JMJD1C: variants seen among roughly 807,000 people sequenced by gnomAD.
JMJD1C encodes jumonji domain containing 1C, also known as jumonji domain-containing protein 1C.
In JMJD1C, 31 loss-of-function variants were observed where a neutral mutation model predicts 245.3. The observed-to-expected ratio is 0.13, with a 90% CI of 0.09 to 0.17. The LOEUF (loss-of-function observed/expected upper bound fraction) is 0.17, where lower values mean the gene tolerates loss of function less well. Among genes scored for constraint, JMJD1C ranks in the 10% least tolerant of loss-of-function variants. The pLI is 1.00. For missense variants in JMJD1C, 2,691 were observed against 3,000.2 expected (o/e 0.90, Z 2.41); for synonymous variants, 1,057 against 1,017.4 (o/e 1.04, Z -0.74).
intron 3 of JMJD1C, among the ~76,000 whole-genome samples, chr10:63,263,487 GAAATAAAATAGT>G (rs753637419): frequency 3.9e-5 from 6 of 152,074 alleles, no homozygotes; most frequent in Admixed American, 3.3e-4. Context: ...TAACAAGTCT[GAAATAAAATAGT>G]ATTAACTTTT....
chr10:63,171,760 A>G (rs78987073), intron 24 of JMJD1C, among the ~76,000 whole-genome samples: 2,000 of 152,284 alleles, frequency 0.013, 29 homozygotes, highest in African/African-American at 0.034. Flanking sequence ...TGAAATTCTA[A>G]CATATGCTGA....
chr10:63,169,685 A>AT (rs1170527065), intron 24 of JMJD1C, among the ~76,000 whole-genome samples: 1 of 152,192 alleles, frequency 6.6e-6, no homozygotes, highest in African/African-American at 2.4e-5. Flanking sequence ...ACTTGGTAGC[A>AT]TAGTAAAGTA....
At chr10:63,311,356 G>A (rs554905815) in intron 2 of JMJD1C, among the ~76,000 whole-genome samples, 1 of 152,218 alleles carries the variant, frequency 6.6e-6, no homozygotes, top group East Asian at 1.9e-4. Context: ...TCCATCCTGG[G>A]CAACAGAGTG....
chr10:63,501,298 G>A (rs1316414746), intron 1 of JMJD1C, among the ~76,000 whole-genome samples: 1 of 152,134 alleles, frequency 6.6e-6, no homozygotes, highest in Non-Finnish European at 1.5e-5. Context: ...TAGCTACAAA[G>A]GTGTTGAAGA....
chr10:63,239,908 C>T (rs1395696884), intron 3 of JMJD1C, among the ~76,000 whole-genome samples: 3 of 152,220 alleles, frequency 2.0e-5, no homozygotes, highest in African/African-American at 4.8e-5. Context: ...ATGATATCTA[C>T]TCTGAACATT....
At position 63,232,244 on chromosome 10, in the gene JMJD1C, C is replaced by T. The variant is rs1193354280; in HGVS notation, c.448-12261G>A. On this transcript the variant is annotated intron_variant, in intron 3 of 25. Coordinates refer to ENST00000399262, the MANE Select transcript of JMJD1C (RefSeq NM_032776.3). Reference sequence around the variant, plus strand: ...ATATATTACTATAATGTGAAGTCATCCCCTTTCTGGAACACGTTCATCTTT... The same window carrying T: ...ATATATTACTATAATGTGAAGTCATTCCCTTTCTGGAACACGTTCATCTTT... Among the ~76,000 whole-genome samples the T allele has an allele frequency of 3.9e-5, 6 of 152,158 alleles. No homozygotes were observed. The South Asian group carries it at 6.2e-4, about 16-fold the overall frequency.
At chr10:63,466,533 A>C (rs1186652998), upstream of JMJD1C, 1 of 152,230 alleles carries the variant, frequency 6.6e-6, no homozygotes, top group African/African-American at 2.4e-5. Context: ...GGTGATACTA[A>C]TTACATGTTT....
At chr10:63,235,221 C>T (rs952487170) in intron 3 of JMJD1C, among the ~76,000 whole-genome samples, 2 of 152,124 alleles carry the variant, frequency 1.3e-5, no homozygotes, top group Non-Finnish European at 2.9e-5. Context: ...ATCAGCCGGG[C>T]ACGGTGGCTC....
intron 3 of JMJD1C, among the ~76,000 whole-genome samples, chr10:63,262,051 A>T (rs1314805853): frequency 1.3e-5 from 2 of 152,232 alleles, no homozygotes; most frequent in African/African-American, 2.4e-5. Flanking sequence ...TGCCTCATGA[A>T]ATTTTAAAAA....
At chr10:63,217,552 ATACTT>A (rs1407501769) in intron 4 of JMJD1C, among the ~76,000 whole-genome samples, 4 of 152,178 alleles carry the variant, frequency 2.6e-5, no homozygotes, top group East Asian at 1.9e-4. Context: ...TAGAAATAAA[ATACTT>A]TAAGAGAGAA....
intron 1 of JMJD1C, among the ~76,000 whole-genome samples, chr10:63,424,514 T>TTC (rs1220899172): frequency 6.8e-6 from 1 of 146,400 alleles, no homozygotes; most frequent in East Asian, 2.0e-4. Context: ...TTTTTTTTTT[T>TTC]TTTTCTTTTT....
chr10:63,417,187 C>T (rs547190890), intron 1 of JMJD1C, among the ~76,000 whole-genome samples: 1 of 152,062 alleles, frequency 6.6e-6, no homozygotes, highest in African/African-American at 2.4e-5. Context: ...GGAAACTTGC[C>T]CAATTATTTA....
chr10:63,194,383 A>G lies in JMJD1C; in HGVS notation c.5645-8T>C, dbSNP rs1359759839. On this transcript the variant is annotated splice_polypyrimidine_tract_variant and splice_region_variant and intron_variant, in intron 13 of 25. Coordinates refer to ENST00000399262, the MANE Select transcript of JMJD1C (RefSeq NM_032776.3). ...AAGCATATAGTTCTTTATCTGTAAG[A>G]TAATAAAACTTGTATATCACACTCA... is the stretch of plus-strand genomic sequence containing the variant. The G allele has an allele frequency of 2.6e-6, 4 of 1,557,650 alleles. No homozygotes were observed. The highest frequency in any genetic ancestry group is 1.4e-5 in the African/African-American group (1 of 73,844).
chr10:63,412,765 T>C (rs1291392418), intron 1 of JMJD1C, among the ~76,000 whole-genome samples: 2 of 152,236 alleles, frequency 1.3e-5, no homozygotes, highest in Non-Finnish European at 2.9e-5. Context: ...TGTACATATA[T>C]TTTATGCATT....
intron 1 of JMJD1C, among the ~76,000 whole-genome samples, chr10:63,456,728 C>T (rs966382180): frequency 1.3e-5 from 2 of 152,086 alleles, no homozygotes; most frequent in Non-Finnish European, 2.9e-5. Context: ...CAACCTTCTA[C>T]GTTCAAAATA....
At chr10:63,511,764 ATATG>A (rs1954879805) in intron 1 of JMJD1C, among the ~76,000 whole-genome samples, 1 of 152,124 alleles carries the variant, frequency 6.6e-6, no homozygotes, top group Non-Finnish European at 1.5e-5. Flanking sequence ...AAAACTACAT[ATATG>A]TAGCACCAAC....
At position 63,198,781 on chromosome 10, in the gene JMJD1C, C is replaced by T. The variant is rs1845713093; in HGVS notation, c.5277-54G>A. 4.8e-6 allele frequency: 5 copies of T among 1,037,576 alleles called. No homozygotes were observed. In the East Asian group the frequency reaches 1.0e-4, roughly 21 times the overall value. 64.3% of individuals were successfully genotyped at this position (1,037,576 alleles called of 1,614,324 possible). On this transcript the variant is annotated intron_variant, in intron 11 of 25. Transcript: ENST00000399262. Reference sequence around the variant, plus strand: ...GTACCCACATATTAAAACATAAGTCCAGTCTTTAAAATTGTAAATTTATAA... The same window carrying T: ...GTACCCACATATTAAAACATAAGTCTAGTCTTTAAAATTGTAAATTTATAA...
At chr10:63,512,676 T>C (rs1310749053) in intron 1 of JMJD1C, among the ~76,000 whole-genome samples, 5 of 152,094 alleles carry the variant, frequency 3.3e-5, no homozygotes, top group African/African-American at 1.2e-4. Context: ...TGTAGATTTT[T>C]GGCACTTACC....
At chr10:63,272,578 T>C (rs1856434572) in intron 2 of JMJD1C, among the ~76,000 whole-genome samples, 1 of 152,202 alleles carries the variant, frequency 6.6e-6, no homozygotes, top group South Asian at 2.1e-4. Context: ...GAAGTGTTTT[T>C]AATAATGTTG....
Sources: allele counts gnomAD v4.1 joint callset (sites outside exome capture counted in the v4.1 genomes callset), GRCh38; gene constraint gnomAD v4.1.1; transcripts MANE v1.5; gene names NCBI Gene and HGNC (gene_info 2026-07-23, HGNC 2026-07-21).